PTPRE: variants seen among roughly 807,000 people sequenced by gnomAD.
The protein encoded by PTPRE is protein tyrosine phosphatase receptor type E, also known as receptor-type tyrosine-protein phosphatase epsilon.
Under a neutral mutation model 102.0 loss-of-function variants are expected in PTPRE, and 51 were observed. The observed-to-expected ratio is 0.50, with a 90% CI of 0.40 to 0.63. The LOEUF is 0.63. PTPRE is among the 30% of genes least tolerant of loss of function. PTPRE has a pLI of 0.00. For synonymous variants in PTPRE, 345 were observed against 348.2 expected (o/e 0.99, Z 0.10); for missense variants, 752 against 915.1 (o/e 0.82, Z 2.30).
chr10:128,010,091 A>T (rs1013971827), intron 2 of PTPRE, among the ~76,000 whole-genome samples: 2 of 152,094 alleles, frequency 1.3e-5, no homozygotes, highest in Non-Finnish European at 2.9e-5. Context: ...TCATCCCTCA[A>T]GTCCTTCTGG....
At chr10:128,009,196 G>A (rs1844768046) in intron 2 of PTPRE, among the ~76,000 whole-genome samples, 1 of 152,100 alleles carries the variant, frequency 6.6e-6, no homozygotes, top group African/African-American at 2.4e-5. Flanking sequence ...TGAAAATTGG[G>A]GTCCCCTTTA....
intron 2 of PTPRE, among the ~76,000 whole-genome samples, chr10:128,019,196 A>G (rs1845665065): frequency 6.6e-6 from 1 of 152,208 alleles, no homozygotes; most frequent in African/African-American, 2.4e-5. Context: ...CCGACTTCCA[A>G]TCCCAGCCCT....
At chr10:128,044,755 C>T (rs1470472533) in intron 3 of PTPRE, among the ~76,000 whole-genome samples, 2 of 152,198 alleles carry the variant, frequency 1.3e-5, no homozygotes, top group African/African-American at 4.8e-5. Flanking sequence ...TAAACTGTGA[C>T]AGGAATTTCT....
chr10:128,021,529 G>A (rs537626374), intron 2 of PTPRE, among the ~76,000 whole-genome samples: 3 of 152,328 alleles, frequency 2.0e-5, no homozygotes, highest in South Asian at 2.1e-4. Context: ...CAGAACATGA[G>A]CTCTCAGAAA....
intron 1 of PTPRE, among the ~76,000 whole-genome samples, chr10:127,972,916 T>A (rs1227629303): frequency 6.6e-6 from 1 of 152,232 alleles, no homozygotes; most frequent in Non-Finnish European, 1.5e-5. Flanking sequence ...ACTGTCCAGC[T>A]GTGTGGTGCA....
rs752836851 is a variant in PTPRE, at chr10:128,063,115, A to G, written c.658A>G (p.Arg220Gly). Residue 220 changes from arginine (R) to glycine (G), a missense_variant, in exon 10 of 21, where the codon AGA (arginine) becomes GGA (glycine). Arg to Gly is a moderately radical substitution (Grantham distance 125). Transcript: ENST00000254667. ...PKQETVNDFW[R>G]MVWEQKSATI... ...ACAGGAAACGGTTAACGACTTCTGGAGAATGGTCTGGGAGCAAAAGTCTGC... is the reference window on the plus strand; with the variant it reads ...ACAGGAAACGGTTAACGACTTCTGGGGAATGGTCTGGGAGCAAAAGTCTGC... 2 of 1,614,224 alleles carry G rather than the reference A, an allele frequency of 1.2e-6. No individual in the cohort carries two copies. The highest frequency in any genetic ancestry group is 3.3e-5 in the Admixed American group (2 of 60,026).
At chr10:127,981,777 A>G (rs950803087) in intron 1 of PTPRE, among the ~76,000 whole-genome samples, 4 of 151,942 alleles carry the variant, frequency 2.6e-5, no homozygotes, top group Admixed American at 2.6e-4. Context: ...AGATCACTCC[A>G]TTGCACTCCA....
At chr10:128,075,992 G>A (rs1268291118) in intron 17 of PTPRE, among the ~76,000 whole-genome samples, 1 of 152,170 alleles carries the variant, frequency 6.6e-6, no homozygotes, top group African/African-American at 2.4e-5. Flanking sequence ...TCTGTGGCGT[G>A]TCTTTTCACT....
chr10:128,020,057 C>CGT (rs10611602), intron 2 of PTPRE, among the ~76,000 whole-genome samples: 35 of 143,904 alleles, frequency 2.4e-4, no homozygotes, highest in South Asian at 1.5e-3. Context: ...CACGCGCGCA[C>CGT]GTGTGTGTGT....
chr10:128,076,442 C>T (rs549945900), intron 17 of PTPRE, among the ~76,000 whole-genome samples, 161 bp from the exon 18 acceptor site: 1 of 151,606 alleles, frequency 6.6e-6, no homozygotes, highest in South Asian at 2.1e-4. Flanking sequence ...TTCCCTGGGT[C>T]AACAAGCATT....
chr10:128,028,748 G>A lies in PTPRE; in HGVS notation c.-7-12127G>A, dbSNP rs761635910. 3.3e-4 allele frequency among the ~76,000 whole-genome samples: 51 copies of A among 152,252 alleles called. No individual in the cohort carries two copies. Among genetic ancestry groups the A allele is most frequent in the Non-Finnish European group, 2.6e-4 (18 of 68,018 alleles). ...GGCCAGGAGTCGGGATCTGCTCCCA[G>A]GAAGAAGCCTCCATCCCTGCGGAGG... On this transcript the variant is annotated intron_variant, in intron 2 of 20. Transcript: ENST00000254667. The surrounding 1 kb of genome is among the most constrained non-coding windows in gnomAD (Gnocchi z 4.5).
intron 2 of PTPRE, among the ~76,000 whole-genome samples, chr10:128,009,762 G>A (rs1042995680): frequency 6.6e-6 from 1 of 152,210 alleles, no homozygotes; most frequent in African/African-American, 2.4e-5. Context: ...CTCCTTCATT[G>A]TTTAAATATC....
At chr10:128,018,150 G>T (rs986779567) in intron 2 of PTPRE, among the ~76,000 whole-genome samples, 1 of 152,204 alleles carries the variant, frequency 6.6e-6, no homozygotes, top group South Asian at 2.1e-4. Context: ...GGTGGTAGGA[G>T]CTTTGGGGCT....
intron 19 of PTPRE, among the ~76,000 whole-genome samples, chr10:128,078,857 A>G (rs1479748278): frequency 6.6e-6 from 1 of 152,212 alleles, no homozygotes; most frequent in Non-Finnish European, 1.5e-5. Flanking sequence ...GAATAAGCCC[A>G]CATGTGAGAT....
chr10:128,016,970 A>G (rs1175878766), intron 2 of PTPRE, among the ~76,000 whole-genome samples: 1 of 152,152 alleles, frequency 6.6e-6, no homozygotes, highest in Non-Finnish European at 1.5e-5. Context: ...TTACCTTAGA[A>G]GAGTTTAGGA....
intron 1 of PTPRE, among the ~76,000 whole-genome samples, chr10:127,972,855 G>GC (rs957442466): frequency 6.6e-6 from 1 of 152,184 alleles, no homozygotes; most frequent in African/African-American, 2.4e-5. Flanking sequence ...ACACACATCA[G>GC]CCCCCTCTAC....
Position 127,959,045 on chromosome 10 carries a change from C to T in PTPRE, c.-30-23229C>T, listed in dbSNP as rs576052541. Among the ~76,000 whole-genome samples the T allele has an allele frequency of 1.1e-4, 17 of 152,140 alleles. No homozygotes were observed. The South Asian group carries it at 1.5e-3, about 13-fold the overall frequency. On this transcript the variant is annotated intron_variant, in intron 1 of 20. Coordinates refer to ENST00000254667, the MANE Select transcript of PTPRE (RefSeq NM_006504.6). The stretch of plus-strand genomic sequence containing the variant: ...CCGAATAGCTGGGATTACAGGCATG[C>T]GCCACCACACCCCGCTAATTTCGTA...
chr10:127,992,529 A>C (rs1257913283), intron 2 of PTPRE, among the ~76,000 whole-genome samples: 1 of 152,124 alleles, frequency 6.6e-6, no homozygotes, highest in Non-Finnish European at 1.5e-5. Context: ...CCTGAAGCCG[A>C]GCTTCCCTGG....
At chr10:128,041,033 C>A (rs1229622270) in intron 3 of PTPRE, 43 bp downstream of exon 3, 12 of 1,543,998 alleles carry the variant, frequency 7.8e-6, no homozygotes, top group Non-Finnish European at 1.1e-5. Flanking sequence ...CTACCTCCTC[C>A]TAAGCTCCTG....
Sources: allele counts gnomAD v4.1 joint callset (sites outside exome capture counted in the v4.1 genomes callset), GRCh38; gene constraint gnomAD v4.1.1; non-coding constraint Gnocchi (gnomAD v3.1); transcripts MANE v1.5; gene names NCBI Gene and HGNC (gene_info 2026-07-23, HGNC 2026-07-21).